OSBPL10: variants seen among roughly 807,000 people sequenced by gnomAD.
OSBPL10 encodes the protein oxysterol-binding protein-related protein 10.
In OSBPL10, 49 loss-of-function variants were observed where a neutral mutation model predicts 81.7. That is an observed-to-expected ratio of 0.60 (90% CI 0.48 to 0.76). OSBPL10 has a LOEUF of 0.76. Ranked by LOEUF, OSBPL10 falls within the 30% of genes least tolerant of loss-of-function variation. OSBPL10 has a pLI of 0.00. For synonymous variants in OSBPL10, 419 were observed against 383.6 expected, an observed-to-expected ratio of 1.09 and a Z score of -1.08; for missense variants, 923 against 987.8, an observed-to-expected ratio of 0.93 and a Z score of 0.88.
At chr3:31,951,973 A>G (rs955086577) in intron 1 of OSBPL10, among the ~76,000 whole-genome samples, 9 of 152,164 alleles carry the variant, frequency 5.9e-5, no homozygotes, top group African/African-American at 2.2e-4. Context: ...TTAGTGTGCA[A>G]CTCTTACAGA....
chr3:31,958,925 TA>T (rs1417633684), intron 1 of OSBPL10, among the ~76,000 whole-genome samples: 1 of 152,200 alleles, frequency 6.6e-6, no homozygotes, highest in East Asian at 1.9e-4. Flanking sequence ...ACCCCTGTAC[TA>T]AACCAAAGAG....
intron 3 of OSBPL10, among the ~76,000 whole-genome samples, chr3:31,849,042 G>A (rs562690470): frequency 6.6e-6 from 1 of 152,330 alleles, no homozygotes; most frequent in East Asian, 1.9e-4. Flanking sequence ...TGATCAAAGT[G>A]ACACTGTGTC....
At position 31,981,235 on chromosome 3, in the gene OSBPL10, G is replaced by GGCT. The variant is rs932601737; in HGVS notation, c.-59_-57dup. 47 of 1,337,014 alleles carry GGCT rather than the reference G, an allele frequency of 3.5e-5. No individual in the cohort carries two copies. The African/African-American group carries it at 5.6e-4, about 16-fold the overall frequency. The allele number at this position is 1,337,014 out of a possible 1,614,324, so 82.8% of individuals were successfully genotyped here. A position where few individuals can be genotyped will look rare whatever the true frequency, so the allele number is the denominator to read the frequency against. On this transcript the variant is annotated 5_prime_UTR_variant, in exon 1 of 12. Transcript: ENST00000396556. The surrounding 1 kb of genome is among the most constrained non-coding windows in gnomAD (Gnocchi z 4.5). Reference sequence around the variant, plus strand: ...GCCGCGGTGGCGGCCCCGGCACGGCGGCTGCTGCTGCTGCTACAGCTCCGG... The same window carrying GGCT: ...GCCGCGGTGGCGGCCCCGGCACGGCGGCTGCTGCTGCTGCTGCTACAGCTCCGG...
chr3:32,071,872 C>A (rs1373023120), intron 1 of OSBPL10, among the ~76,000 whole-genome samples: 2 of 152,174 alleles, frequency 1.3e-5, no homozygotes, highest in African/African-American at 4.8e-5. Flanking sequence ...ATACACCTGG[C>A]ATTCACTGCA....
At chr3:31,886,961 C>G (rs974312923) in intron 1 of OSBPL10, among the ~76,000 whole-genome samples, 2 of 151,756 alleles carry the variant, frequency 1.3e-5, no homozygotes. Flanking sequence ...GAAAACCCTT[C>G]TCCATGTGGG....
chr3:31,894,810 C>G (rs760098469), intron 1 of OSBPL10, among the ~76,000 whole-genome samples: 1 of 152,212 alleles, frequency 6.6e-6, no homozygotes, highest in African/African-American at 2.4e-5. Context: ...CTCAAGAGAA[C>G]GCTAGTTTTT....
chr3:31,818,456 T>C (rs147689333), intron 4 of OSBPL10, among the ~76,000 whole-genome samples: 3 of 152,306 alleles, frequency 2.0e-5, no homozygotes, highest in African/African-American at 7.2e-5. Context: ...CATATGTATG[T>C]GTATACAGGC....
intron 1 of OSBPL10, among the ~76,000 whole-genome samples, chr3:31,947,834 G>T (rs972442902): frequency 1.3e-5 from 2 of 151,260 alleles, no homozygotes; most frequent in African/African-American, 4.9e-5. Context: ...AGTGCTCTCA[G>T]GATCCGGAGA....
intron 6 of OSBPL10, chr3:31,732,688 AAGCCTGTTGG>A (rs1697013337): frequency 6.5e-6 from 1 of 152,864 alleles, no homozygotes; most frequent in Non-Finnish European, 1.5e-5. Context: ...AGAGTCCATG[AAGCCTGTTGG>A]AGCCTGGCTG....
At chr3:31,840,205 T>A (rs1700458777) in intron 3 of OSBPL10, among the ~76,000 whole-genome samples, 2 of 152,232 alleles carry the variant, frequency 1.3e-5, no homozygotes, top group South Asian at 4.2e-4. Context: ...GCTCCTATTT[T>A]ATATTTAAAC....
chr3:31,735,593 C>T (rs1011432864), intron 5 of OSBPL10, among the ~76,000 whole-genome samples: 5 of 152,094 alleles, frequency 3.3e-5, no homozygotes, highest in African/African-American at 9.7e-5. Flanking sequence ...TATTTTTTTC[C>T]GTTTCTCAAA....
intron 3 of OSBPL10, among the ~76,000 whole-genome samples, chr3:31,864,583 G>C (rs1701131167): frequency 6.6e-6 from 1 of 152,048 alleles, no homozygotes; most frequent in African/African-American, 2.4e-5. Context: ...AAAACCACAA[G>C]AGGGAGGGGG....
intron 5 of OSBPL10, among the ~76,000 whole-genome samples, chr3:31,739,903 A>G (rs191201514): frequency 1.3e-3 from 191 of 152,370 alleles, no homozygotes; most frequent in Non-Finnish European, 2.2e-3. Flanking sequence ...GCATTAAAAC[A>G]TAACTACTTA....
At chr3:31,894,228 T>A (rs936159964) in intron 1 of OSBPL10, among the ~76,000 whole-genome samples, 3 of 152,164 alleles carry the variant, frequency 2.0e-5, no homozygotes, top group Non-Finnish European at 4.4e-5. Context: ...GATGTGAATT[T>A]GCAAATCATC....
At chr3:31,748,195 C>T in intron 4 of OSBPL10, 75 bp from the exon 5 acceptor site, 1 of 1,340,332 alleles carries the variant, frequency 7.5e-7, no homozygotes, top group Non-Finnish European at 1.0e-6. Context: ...GCAGATAAAC[C>T]ACAGAAGTGG....
intron 1 of OSBPL10, among the ~76,000 whole-genome samples, chr3:31,942,477 G>T (rs576315786): frequency 1.5e-5 from 2 of 133,736 alleles, no homozygotes; most frequent in East Asian, 4.4e-4. Context: ...GGAAGTTGCA[G>T]TGAGCCAAGA....
chr3:31,932,846 A>C (rs1697286697), intron 1 of OSBPL10, among the ~76,000 whole-genome samples: 1 of 152,140 alleles, frequency 6.6e-6, no homozygotes. Context: ...TCATTAATCA[A>C]AGCAAAACAA....
chr3:31,973,452 C>A (rs1698616183), intron 1 of OSBPL10, among the ~76,000 whole-genome samples: 1 of 152,200 alleles, frequency 6.6e-6, no homozygotes, highest in Non-Finnish European at 1.5e-5. Context: ...CTACTGTGCA[C>A]CAAGCACAGG....
chr3:32,029,838 A>G (rs1420446366), intron 2 of OSBPL10, among the ~76,000 whole-genome samples: 1 of 152,226 alleles, frequency 6.6e-6, no homozygotes, highest in African/African-American at 2.4e-5. Flanking sequence ...ATAATGGGGC[A>G]CAGGACAGTG....
Sources: gnomAD v4.1 joint callset for allele counts (sites outside exome capture counted in the v4.1 genomes callset) on GRCh38, gnomAD v4.1.1 for gene constraint, Gnocchi (gnomAD v3.1) non-coding constraint, MANE v1.5 for transcripts, NCBI Gene and HGNC (gene_info 2026-07-23, HGNC 2026-07-21) for gene names.